UTRN: variants seen among roughly 807,000 people sequenced by gnomAD.
UTRN encodes the protein utrophin, also known as dystrophin-related protein 1.
A neutral mutation model predicts 463.9 loss-of-function variants in UTRN; 283 were observed. The observed-to-expected ratio is 0.61, with a 90% CI of 0.55 to 0.67. The LOEUF (loss-of-function observed/expected upper bound fraction) is 0.67. Ranked by LOEUF, UTRN falls within the 30% of genes least tolerant of loss-of-function variation. The pLI is 0.00. For missense variants in UTRN, 3,922 were observed against 4,084.3 expected (o/e 0.96, Z 1.08); for synonymous variants, 1,442 against 1,431.5 (o/e 1.01, Z -0.17).
intron 53 of UTRN, 116 bp downstream of exon 53, chr6:144,700,359 C>A (rs556915165): frequency 3.2e-5 from 38 of 1,187,600 alleles, no homozygotes; most frequent in Middle Eastern, 3.1e-4. Context: ...TTCCCCCCCC[C>A]ACCACCGTCT....
chr6:144,488,865 T>A, intron 30 of UTRN, 31 bp downstream of exon 30: 1 of 1,535,882 alleles, frequency 6.5e-7, no homozygotes, highest in African/African-American at 1.4e-5. Context: ...GCTTTTGAGC[T>A]GTAAAGAGAG....
rs1304449011 is a variant in UTRN, at chr6:144,577,248, A to T, written c.7439A>T (p.Gln2480Leu). The T allele has an allele frequency of 9.9e-6, 16 of 1,613,926 alleles. No homozygotes were observed. Among genetic ancestry groups the T allele is most frequent in the Non-Finnish European group, 1.2e-5 (14 of 1,179,880 alleles). The change falls in exon 51 of 75, where the codon CAG becomes CTG. Residue 2480 changes from glutamine (Q) to leucine (L), a missense_variant. Around this residue, in one of 3 missense-constraint regions of UTRN, gnomAD observed 1,309 missense variants for 1,452.6 expected, o/e 0.90. Coordinates refer to ENST00000367545, the MANE Select transcript of UTRN (RefSeq NM_007124.3). ...VDASHRENAL[Q>L]DSILARELKQ... is the part of the protein sequence containing the mutation. The stretch of plus-strand genomic sequence containing the variant: ...GCCTCTCATCGGGAGAATGCTCTTC[A>T]GGATAGTATCTTGGCCAGGGAACTC...
intron 51 of UTRN, among the ~76,000 whole-genome samples, chr6:144,639,189 A>G (rs1777515581): frequency 6.6e-6 from 1 of 152,148 alleles, no homozygotes; most frequent in Admixed American, 6.5e-5. Context: ...CTCTCCCCAG[A>G]TTTTACATAA....
At chr6:144,527,031 C>A (rs1419871671) in intron 41 of UTRN, among the ~76,000 whole-genome samples, 1 of 152,022 alleles carries the variant, frequency 6.6e-6, no homozygotes, top group Non-Finnish European at 1.5e-5. Flanking sequence ...AACTCCTGAC[C>A]TCAGGTGATC....
At chr6:144,501,355 C>T (rs1327971311) in intron 34 of UTRN, among the ~76,000 whole-genome samples, 1 of 152,036 alleles carries the variant, frequency 6.6e-6, no homozygotes, top group African/African-American at 2.4e-5. Flanking sequence ...AAATTAGTAA[C>T]ATAAGTAATA....
intron 33 of UTRN, 33 bp downstream of exon 33, chr6:144,493,489 GTCTCTCTCTCTCTCTCTCTCAATCTC>G: frequency 6.6e-7 from 1 of 1,510,672 alleles, no homozygotes; most frequent in Non-Finnish European, 9.0e-7. Flanking sequence ...TCATCTCTCT[GTCTCTCTCTCTCTCTCTCTCAATCTC>G]TCTCTCTCTC....
At chr6:144,847,842 G>A (rs1008135242) in intron 74 of UTRN, among the ~76,000 whole-genome samples, 1 of 152,136 alleles carries the variant, frequency 6.6e-6, no homozygotes, top group Non-Finnish European at 1.5e-5. Flanking sequence ...CTTTAGCATA[G>A]TGAGTTAGGG....
At chr6:144,391,464 T>C (rs746134025) in intron 2 of UTRN, among the ~76,000 whole-genome samples, 13 of 152,226 alleles carry the variant, frequency 8.5e-5, no homozygotes, top group Non-Finnish European at 1.8e-4. Flanking sequence ...TGGCTTTTTT[T>C]TGATTGGTAA....
intron 51 of UTRN, among the ~76,000 whole-genome samples, chr6:144,659,031 G>A (rs1350458635): frequency 6.6e-6 from 1 of 152,190 alleles, no homozygotes; most frequent in African/African-American, 2.4e-5. Flanking sequence ...CAAAGAGATC[G>A]AAACACTTTA....
intron 51 of UTRN, among the ~76,000 whole-genome samples, chr6:144,579,817 G>A (rs564752201): frequency 1.3e-5 from 2 of 152,194 alleles, no homozygotes; most frequent in African/African-American, 2.4e-5. Flanking sequence ...TTTACTAAGA[G>A]TCCACTAAAA....
chr6:144,638,463 C>T (rs958483916), intron 51 of UTRN, among the ~76,000 whole-genome samples: 1 of 152,132 alleles, frequency 6.6e-6, no homozygotes, highest in Non-Finnish European at 1.5e-5. Context: ...TGGATGCTTC[C>T]TTTAAATAGG....
chr6:144,328,783 G>T (rs1458664736), intron 2 of UTRN, among the ~76,000 whole-genome samples: 2 of 151,370 alleles, frequency 1.3e-5, no homozygotes, highest in Non-Finnish European at 2.9e-5. Context: ...GTTTAGTGAA[G>T]CCAGACAAAT....
chr6:144,371,899 A>G (rs1366127355), intron 2 of UTRN, among the ~76,000 whole-genome samples: 1 of 152,242 alleles, frequency 6.6e-6, no homozygotes, highest in Non-Finnish European at 1.5e-5. Flanking sequence ...CCTCCACCTA[A>G]CAAAACACCC....
At chr6:144,527,354 T>G (rs1440856182) in intron 41 of UTRN, among the ~76,000 whole-genome samples, 2 of 152,258 alleles carry the variant, frequency 1.3e-5, no homozygotes, top group Non-Finnish European at 2.9e-5. Flanking sequence ...AGGTTTCTGC[T>G]GAGAAATCTT....
intron 54 of UTRN, among the ~76,000 whole-genome samples, chr6:144,740,321 T>C (rs1282352652): frequency 1.3e-5 from 2 of 152,246 alleles, no homozygotes; most frequent in Non-Finnish European, 2.9e-5. Flanking sequence ...TTTATAACTC[T>C]TTGCTTTTTT....
At chr6:144,830,456 T>C (rs1269460812) in intron 69 of UTRN, among the ~76,000 whole-genome samples, 1 of 152,148 alleles carries the variant, frequency 6.6e-6, no homozygotes. Flanking sequence ...TTTTTAAAAA[T>C]AATTTATATA....
rs1175770865 is a variant in UTRN at position 144,499,323 on chromosome 6, G to A, written c.4660G>A (p.Ala1554Thr). ...QLARKMKKEA[A>T]SLSEWLSATE... ...GGCCCGGAAAATGAAGAAAGAGGCT[G>A]CTTCTCTCTCTGAATGGCTTTCTGC... Residue 1554 changes from alanine (A) to threonine (T), a missense_variant, in exon 34 of 75, where the codon GCT (alanine) becomes ACT (threonine). By Grantham distance (58) the Ala-to-Thr change is moderately conservative. Around this residue, in one of 3 missense-constraint regions of UTRN, gnomAD observed 2,349 missense variants for 2,303.8 expected, o/e 1.02. Transcript: ENST00000367545. The A allele has an allele frequency of 3.7e-6, 6 of 1,613,846 alleles. No homozygotes were observed. The highest frequency in any genetic ancestry group is 4.2e-6 in the Non-Finnish European group (5 of 1,179,806).
At chr6:144,618,776 C>G (rs769061621) in intron 51 of UTRN, among the ~76,000 whole-genome samples, 3 of 151,960 alleles carry the variant, frequency 2.0e-5, no homozygotes, top group Non-Finnish European at 4.4e-5. Flanking sequence ...ATATTATATG[C>G]TATATTAGTT....
At chr6:144,626,138 G>A (rs1775918978) in intron 51 of UTRN, among the ~76,000 whole-genome samples, 1 of 152,090 alleles carries the variant, frequency 6.6e-6, no homozygotes, top group African/African-American at 2.4e-5. Context: ...AAGCAGTGAT[G>A]GGTGTTTATT....
Sources: gnomAD v4.1 joint callset for allele counts (sites outside exome capture counted in the v4.1 genomes callset) on GRCh38, gnomAD v4.1.1 for gene constraint, gnomAD v4.1.1 regional missense constraint, MANE v1.5 for transcripts, NCBI Gene and HGNC (gene_info 2026-07-23, HGNC 2026-07-21) for gene names.